The following TANGO6 variants were observed in gnomAD, a reference collection of about 807,000 sequenced individuals.
The protein encoded by TANGO6 is transport and golgi organization 6 homolog.
A neutral mutation model predicts 114.2 loss-of-function variants in TANGO6; 90 were observed. The ratio of observed to expected loss-of-function variants is 0.79; its 90% CI spans 0.66 to 0.94. The LOEUF (loss-of-function observed/expected upper bound fraction) is 0.94, where lower values mean the gene tolerates loss of function less well. Ranked by LOEUF, TANGO6 falls within the 40% of genes least tolerant of loss-of-function variation. The pLI, the probability that TANGO6 is intolerant of heterozygous loss-of-function variation, is 0.00. For missense variants in TANGO6, 1,274 were observed against 1,315.3 expected (o/e 0.97, Z 0.49); for synonymous variants, 477 against 509.8 (o/e 0.94, Z 0.87).
chr16:68,930,164 C>A, intron 13 of TANGO6, 74 bp from the exon 14 acceptor site: 2 of 1,306,030 alleles, frequency 1.5e-6, no homozygotes, highest in South Asian at 1.3e-5. Context: ...CTCCTTTGAG[C>A]TGCTGATAAG....
chr16:68,954,878 A>G (rs1423826691), intron 14 of TANGO6, among the ~76,000 whole-genome samples: 9 of 152,212 alleles, frequency 5.9e-5, no homozygotes, highest in Non-Finnish European at 8.8e-5. Flanking sequence ...TCAAAAACTC[A>G]GGTGATTTTT....
At chr16:69,047,826 A>G (rs1020427385) in intron 17 of TANGO6, among the ~76,000 whole-genome samples, 1 of 152,170 alleles carries the variant, frequency 6.6e-6, no homozygotes, top group African/African-American at 2.4e-5. Flanking sequence ...ACAATATAAA[A>G]TGGCAGCATT....
chr16:68,919,254 G>A (rs746332389), intron 12 of TANGO6, 35 bp downstream of exon 12: 8 of 1,604,340 alleles, frequency 5.0e-6, no homozygotes, highest in Non-Finnish European at 6.8e-6. Context: ...TTGAATGGAG[G>A]GAAGGGAGAA....
chr16:68,988,844 G>A (rs1317613985), intron 15 of TANGO6, among the ~76,000 whole-genome samples: 2 of 151,952 alleles, frequency 1.3e-5, no homozygotes, highest in Non-Finnish European at 2.9e-5. Context: ...GACTACAGGT[G>A]TGTGCCACCA....
intron 7 of TANGO6, among the ~76,000 whole-genome samples, chr16:68,895,309 A>G (rs991872270): frequency 6.6e-6 from 1 of 152,192 alleles, no homozygotes; most frequent in Non-Finnish European, 1.5e-5. Flanking sequence ...AGATCATGCC[A>G]CTGCACTCCA....
At chr16:68,962,853 G>A (rs1395515995) in intron 14 of TANGO6, among the ~76,000 whole-genome samples, 8 of 151,830 alleles carry the variant, frequency 5.3e-5, no homozygotes, top group Non-Finnish European at 8.8e-5. Context: ...AGGTCGAGGC[G>A]GGTGGATCAC....
In TANGO6 at chr16:68,897,076, G is replaced by A. The variant is rs574561638; in HGVS notation, c.1378-3358G>A. Reference sequence around the variant, plus strand: ...ACACCACTACGTCCAGCTAACTTTTGTATTTTTAGTAGAGACGGGTTTCAC... The same window carrying A: ...ACACCACTACGTCCAGCTAACTTTTATATTTTTAGTAGAGACGGGTTTCAC... On this transcript the variant is annotated intron_variant, in intron 7 of 17. Coordinates refer to ENST00000261778, the MANE Select transcript of TANGO6 (RefSeq NM_024562.2). 2.6e-5 allele frequency among the ~76,000 whole-genome samples: 4 copies of A among 151,882 alleles called. No individual in the cohort carries two copies. In the East Asian group the frequency reaches 7.8e-4, roughly 30 times the overall value.
In TANGO6 at chr16:68,974,164, A is replaced by C; in HGVS notation, c.2838A>C (p.Ala946=). 6.2e-7 allele frequency: 1 copy of C among 1,613,972 alleles called. No homozygotes were observed. The highest frequency in any genetic ancestry group is 8.5e-7 in the Non-Finnish European group (1 of 1,179,880). The change falls in exon 15 of 18, where the codon GCA becomes GCC. Residue 946 remains alanine, a synonymous_variant. Transcript: ENST00000261778. The part of the protein sequence containing the change: ...VGEVLMRIVR[A]LGDMVSKYRE... ...AAGTCCTTATGCGAATCGTCAGGGC[A>C]TTAGGTGAGTTTTCTTGTTCCATCC... is the stretch of plus-strand genomic sequence containing the variant.
chr16:69,023,020 T>C, intron 16 of TANGO6, 41 bp downstream of exon 16: 1 of 1,509,288 alleles, frequency 6.6e-7, no homozygotes, highest in South Asian at 1.3e-5. Context: ...GTGTTTTCAC[T>C]TGGACCTACG....
intron 14 of TANGO6, among the ~76,000 whole-genome samples, chr16:68,953,000 T>G (rs1963485884): frequency 6.6e-6 from 1 of 151,366 alleles, no homozygotes; most frequent in Non-Finnish European, 1.5e-5. Context: ...GGTTTTCTTT[T>G]TGTTGTTGTT....
intron 2 of TANGO6, 77 bp from the exon 3 acceptor site, chr16:68,862,868 T>A: frequency 1.1e-6 from 1 of 926,240 alleles, no homozygotes; most frequent in South Asian, 1.4e-5. Flanking sequence ...AGTATCTCTG[T>A]ACAGTGTTGT....
At chr16:68,872,162 A>C (rs1596998215) in intron 4 of TANGO6, among the ~76,000 whole-genome samples, 2 of 151,296 alleles carry the variant, frequency 1.3e-5, no homozygotes, top group East Asian at 4.1e-4. Flanking sequence ...TGGAGGTTTC[A>C]GTGAGCCGAG....
chr16:68,880,873 C>T (rs1439426565), intron 7 of TANGO6, among the ~76,000 whole-genome samples: 1 of 152,044 alleles, frequency 6.6e-6, no homozygotes, highest in African/African-American at 2.4e-5. Flanking sequence ...GTTGGAATGA[C>T]TAATCTAAAG....
Position 68,928,014 on chromosome 16 carries a change from G to C in TANGO6, c.2574G>C (p.Leu858=). 6.2e-7 allele frequency: 1 copy of C among 1,609,168 alleles called. No homozygotes were observed. The highest frequency in any genetic ancestry group is 8.5e-7 in the Non-Finnish European group (1 of 1,177,768). The part of the protein sequence containing the change: ...DPQIPTRAAA[L]RTLSHWIEQR... ...AAATTCCAACACGGGCTGCTGCCCT[G>C]CGTACTCTTTCCCACTGGATAGAGC... The change falls in exon 13 of 18, where the codon CTG becomes CTC. Residue 858 remains leucine (L), a synonymous_variant. Coordinates refer to ENST00000261778, the MANE Select transcript of TANGO6 (RefSeq NM_024562.2).
intron 2 of TANGO6, among the ~76,000 whole-genome samples, chr16:68,861,606 T>G (rs568222555): frequency 3.6e-4 from 55 of 152,242 alleles, no homozygotes; most frequent in African/African-American, 1.3e-3. Flanking sequence ...TTACTGAGGC[T>G]AAACTGTGCC....
intron 9 of TANGO6, among the ~76,000 whole-genome samples, chr16:68,905,302 C>G (rs1196569910): frequency 1.3e-5 from 2 of 151,658 alleles, no homozygotes; most frequent in African/African-American, 4.8e-5. Context: ...TTGGAAGAGG[C>G]TGAGGTGGGT....
chr16:68,955,464 CTG>C lies in TANGO6; in HGVS notation c.2702-18561_2702-18560del, dbSNP rs1333462505. On this transcript the variant is annotated intron_variant, in intron 14 of 17. Transcript: ENST00000261778. ...TAGAGCAACGCTGCTCTGCTCCTCA[CTG>C]TGACTGCATTGGCACAGTGGTGTTT... Among the ~76,000 whole-genome samples the C allele has an allele frequency of 2.6e-5, 4 of 152,234 alleles. No homozygotes were observed. In the East Asian group the frequency reaches 7.7e-4, roughly 29 times the overall value.
At chr16:68,996,280 G>A (rs1265751603) in intron 15 of TANGO6, among the ~76,000 whole-genome samples, 4 of 152,134 alleles carry the variant, frequency 2.6e-5, no homozygotes. Flanking sequence ...AATGGCTTTT[G>A]GAGAGGAAAT....
chr16:68,980,435 A>ATATATATATATTTT (rs1317961639), intron 15 of TANGO6, among the ~76,000 whole-genome samples: 2 of 61,774 alleles, frequency 3.2e-5, no homozygotes, highest in African/African-American at 1.4e-4. Flanking sequence ...ATATATATAT[A>ATATATATATATTTT]TTTTTTTTTT....
Sources: allele counts gnomAD v4.1 joint callset (sites outside exome capture counted in the v4.1 genomes callset), GRCh38; gene constraint gnomAD v4.1.1; transcripts MANE v1.5; gene names NCBI Gene and HGNC (gene_info 2026-07-23, HGNC 2026-07-21).